CTBP1: variants seen among roughly 807,000 people sequenced by gnomAD.
CTBP1 encodes the protein C-terminal binding protein 1, also known as C-terminal-binding protein 1.
Under a neutral mutation model 42.1 loss-of-function variants are expected in CTBP1, and 11 were observed. That is an observed-to-expected ratio of 0.26 (90% confidence interval 0.16 to 0.43). The LOEUF (loss-of-function observed/expected upper bound fraction) is 0.43, where lower values mean the gene tolerates loss of function less well. Among genes scored for constraint, CTBP1 ranks in the 20% least tolerant of loss-of-function variants. The pLI is 1.00. For synonymous variants in CTBP1, 324 were observed against 277.1 expected (o/e 1.17, Z -1.68); for missense variants, 399 against 624.3 (o/e 0.64, Z 3.85).
chr4:1,226,201 A>G (rs1730323596), intron 4 of CTBP1, among the ~76,000 whole-genome samples: 1 of 151,938 alleles, frequency 6.6e-6, no homozygotes, highest in Non-Finnish European at 1.5e-5. Context: ...GTCCCCAGAG[A>G]CAGGCCCTTC....
At chr4:1,248,069 G>A (rs1394899970) in intron 1 of CTBP1, among the ~76,000 whole-genome samples, 1 of 152,226 alleles carries the variant, frequency 6.6e-6, no homozygotes, top group Admixed American at 6.5e-5. Flanking sequence ...CAGCCGGGTC[G>A]AGGGAAAGAG....
At chr4:1,215,498 T>C in intron 6 of CTBP1, 1 of 214,746 alleles carries the variant, frequency 4.7e-6, no homozygotes, top group East Asian at 1.2e-4. Flanking sequence ...GAGGCTGCAC[T>C]GCGAGCTGTG....
At chr4:1,228,379 C>A (rs1396382052) in intron 3 of CTBP1, 36 bp from the exon 4 acceptor site, 1 of 1,601,562 alleles carries the variant, frequency 6.2e-7, no homozygotes, top group Non-Finnish European at 8.5e-7. Context: ...AGCCCGGAAC[C>A]TGAAGACCCT....
rs1310945681 is a variant in CTBP1 at position 1,211,466 on chromosome 4, T to C, written c.*774A>G. On this transcript the variant is annotated 3_prime_UTR_variant, in exon 10 of 10. Transcript: ENST00000382952. ...ACGCTGGCTCTTTCCAGGATTTTTA[T>C]TTCTTTAAAATAATTCATACAAATG... The C allele has an allele frequency of 1.3e-5, 2 of 152,450 alleles. No individual in the cohort carries two copies. Among genetic ancestry groups the C allele is most frequent in the East Asian group, 1.9e-4 (1 of 5,202 alleles). The allele number at this position is 152,450 out of a possible 1,614,324, so 9.4% of individuals were successfully genotyped here.
At chr4:1,245,122 A>G in intron 1 of CTBP1, 9 of 985,390 alleles carry the variant, frequency 9.1e-6, no homozygotes, top group Non-Finnish European at 1.1e-5. Context: ...CACCCCAGAC[A>G]GACACTGCCC....
intron 3 of CTBP1, among the ~76,000 whole-genome samples, chr4:1,229,986 G>A (rs1449296110): frequency 2.6e-5 from 4 of 152,198 alleles, no homozygotes; most frequent in Non-Finnish European, 5.9e-5. Context: ...TCGGCTGCAG[G>A]AGGCAGGGAG....
At chr4:1,218,426 A>G (rs1035524853) in intron 5 of CTBP1, 7 of 151,918 alleles carry the variant, frequency 4.6e-5, no homozygotes, top group African/African-American at 1.5e-4. Flanking sequence ...AAGGCAACAC[A>G]TTTTCGGACA....
At chr4:1,243,970 G>C (rs1462083185) in intron 1 of CTBP1, 1 of 985,108 alleles carries the variant, frequency 1.0e-6, no homozygotes, top group Non-Finnish European at 1.2e-6. Context: ...AGAGCACATG[G>C]AAGCTTGTGC....
Position 1,213,509 on chromosome 4 carries a change from C to G in CTBP1, c.957G>C (p.Glu319Asp). 1.2e-6 allele frequency: 2 copies of G among 1,612,740 alleles called. No individual in the cohort carries two copies. Among genetic ancestry groups the G allele is most frequent in the Non-Finnish European group, 1.7e-6 (2 of 1,179,912 alleles). ...SEQASIEMRE[E>D]AAREIRRAIT... ...TGGCTCTGCGGATCTCCCGTGCCGCCTCCTCTCGCATCTCGATGGATGCCT... is the reference window on the plus strand; with the variant it reads ...TGGCTCTGCGGATCTCCCGTGCCGCGTCCTCTCGCATCTCGATGGATGCCT... The change falls in exon 8 of 10, where the codon GAG (glutamate) becomes GAC (aspartate). Residue 319 changes from glutamate (E) to aspartate (D), a missense_variant. Physicochemically the swap from Glu to Asp is conservative, Grantham distance 45. Coordinates refer to ENST00000382952, the MANE Select transcript of CTBP1 (RefSeq NM_001012614.2).
intron 1 of CTBP1, chr4:1,244,890 G>T: frequency 1.0e-6 from 1 of 985,446 alleles, no homozygotes. Context: ...ATGAACGAAG[G>T]CTGTGCACAG....
At chr4:1,248,125 A>C (rs929128410) in intron 1 of CTBP1, among the ~76,000 whole-genome samples, 1 of 151,956 alleles carries the variant, frequency 6.6e-6, no homozygotes, top group Non-Finnish European at 1.5e-5. Flanking sequence ...CGGGCGCTGC[A>C]AGATGGCGAT....
At position 1,241,306 on chromosome 4, in the gene CTBP1, G is replaced by T; in HGVS notation, c.7+19C>A. The T allele has an allele frequency of 1.2e-6, 1 of 817,778 alleles. No individual in the cohort carries two copies. The highest frequency in any genetic ancestry group is 2.2e-6 in the Non-Finnish European group (1 of 451,814). 50.7% of individuals were successfully genotyped at this position (817,778 alleles called of 1,614,324 possible). On this transcript the variant is annotated intron_variant, in intron 2 of 9. Coordinates refer to ENST00000382952, the MANE Select transcript of CTBP1 (RefSeq NM_001012614.2). ...CGGCCGGCTTCACTCTGCCGCCGAC[G>T]CCAGGAACCCCTACCAACCTGACAT...
chr4:1,247,403 C>A (rs1419695407), intron 1 of CTBP1, among the ~76,000 whole-genome samples: 1 of 152,038 alleles, frequency 6.6e-6, no homozygotes, highest in Non-Finnish European at 1.5e-5. Context: ...GCGGAGCCGA[C>A]AGCCCCAACC....
At chr4:1,217,902 G>A (rs1729313196) in intron 5 of CTBP1, 1 of 152,174 alleles carries the variant, frequency 6.6e-6, no homozygotes, top group Admixed American at 6.5e-5. Flanking sequence ...CAACAAGTGT[G>A]GATGTAAACA....
Position 1,239,510 on chromosome 4 carries a change from C to T in CTBP1, c.8-1173G>A, listed in dbSNP as rs375049351. Among the ~76,000 whole-genome samples, 339 of 152,348 alleles carry T rather than the reference C, an allele frequency of 2.2e-3. 1 individual carries two copies. The highest frequency in any genetic ancestry group is 6.8e-3 in the East Asian group (35 of 5,178). On this transcript the variant is annotated intron_variant, in intron 2 of 9. Coordinates refer to ENST00000382952, the MANE Select transcript of CTBP1 (RefSeq NM_001012614.2). Reference sequence around the variant, plus strand: ...GCTCGGCCCAGTCTCCCGCCCCATCCGCTGCCCCATCCGCCTGCAGGTGAG... The same window carrying T: ...GCTCGGCCCAGTCTCCCGCCCCATCTGCTGCCCCATCCGCCTGCAGGTGAG...
rs1194831660 is a variant in CTBP1, at chr4:1,233,700, T to C, written c.162+4483A>G. 2.0e-5 allele frequency among the ~76,000 whole-genome samples: 3 copies of C among 152,250 alleles called. No individual in the cohort carries two copies. Among genetic ancestry groups the C allele is most frequent in the East Asian group, 1.9e-4 (1 of 5,180 alleles). ...AAATCCCAGTCCTGAACCTGAACAC[T>C]GGGGCGCCTCCCAGGCCCCGACATT... On this transcript the variant is annotated intron_variant, in intron 3 of 9. Coordinates refer to ENST00000382952, the MANE Select transcript of CTBP1 (RefSeq NM_001012614.2). The surrounding 1 kb of genome is among the most constrained non-coding windows in gnomAD (Gnocchi z 4.6).
chr4:1,234,117 A>G (rs1731242429), intron 3 of CTBP1, among the ~76,000 whole-genome samples: 1 of 152,188 alleles, frequency 6.6e-6, no homozygotes, highest in Admixed American at 6.5e-5. Flanking sequence ...GTGGCAAGAA[A>G]GCGTGGGCAG....
intron 3 of CTBP1, among the ~76,000 whole-genome samples, chr4:1,230,393 AAG>A (rs568000637): frequency 1.0e-3 from 159 of 152,306 alleles, no homozygotes; most frequent in African/African-American, 3.6e-3. Context: ...AGCCGCAGCT[AAG>A]AGAGAGTCAC....
In CTBP1 at chr4:1,225,571, G is replaced by C; in HGVS notation, c.308-5C>G. ...GCACGTTGCAGACGGCAATGCCTGT[G>C]GGGACAAGGACACGGCGGTCACCCC... On this transcript the variant is annotated splice_polypyrimidine_tract_variant and splice_region_variant and intron_variant, in intron 4 of 9. Coordinates refer to ENST00000382952, the MANE Select transcript of CTBP1 (RefSeq NM_001012614.2). The C allele has an allele frequency of 6.5e-7, 1 of 1,539,294 alleles. No homozygotes were observed. The highest frequency in any genetic ancestry group is 1.4e-5 in the African/African-American group (1 of 73,134).
Sources: allele counts gnomAD v4.1 joint callset (sites outside exome capture counted in the v4.1 genomes callset), GRCh38; gene constraint gnomAD v4.1.1; non-coding constraint Gnocchi (gnomAD v3.1); transcripts MANE v1.5; gene names NCBI Gene and HGNC (gene_info 2026-07-23, HGNC 2026-07-21).